GABRG3: variants seen among roughly 807,000 people sequenced by gnomAD.
The protein encoded by GABRG3 is gamma-aminobutyric acid receptor subunit gamma-3.
A neutral mutation model predicts 48.8 loss-of-function variants in GABRG3; 25 were observed. That is an observed-to-expected ratio of 0.51 (90% confidence interval 0.37 to 0.72). The LOEUF (loss-of-function observed/expected upper bound fraction) is 0.72, where lower values mean the gene tolerates loss of function less well. GABRG3 is among the 30% of genes least tolerant of loss of function. The pLI is 0.00. For missense variants in GABRG3, 394 were observed against 577.9 expected (o/e 0.68, Z 3.26); for synonymous variants, 227 against 217.6 (o/e 1.04, Z -0.38).
chr15:27,530,370 C>G (rs770243790), intron 9 of GABRG3, among the ~76,000 whole-genome samples: 1 of 152,136 alleles, frequency 6.6e-6, no homozygotes, highest in Non-Finnish European at 1.5e-5. Context: ...ATTAAAATCT[C>G]TATCTTGGGT....
chr15:27,464,010 C>T lies in GABRG3; in HGVS notation c.575-16640C>T, dbSNP rs548692962. On this transcript the variant is annotated intron_variant, in intron 5 of 9. Transcript: ENST00000615808. ...AAACGAGCTGGTGTCACCCATGCATCGTGGCCCCCTAAACAGCTGTGGGAG... is the reference window on the plus strand; with the variant it reads ...AAACGAGCTGGTGTCACCCATGCATTGTGGCCCCCTAAACAGCTGTGGGAG... Among the ~76,000 whole-genome samples the T allele has an allele frequency of 2.0e-5, 3 of 152,212 alleles. No homozygotes were observed. The South Asian group carries it at 6.2e-4, about 32-fold the overall frequency.
chr15:27,119,602 G>A (rs780597101), intron 3 of GABRG3, among the ~76,000 whole-genome samples: 1 of 152,186 alleles, frequency 6.6e-6, no homozygotes, highest in Non-Finnish European at 1.5e-5. Context: ...AAGGTCTAAT[G>A]AGGCTGAAGT....
At chr15:27,003,848 G>T (rs1448734831) in intron 2 of GABRG3, among the ~76,000 whole-genome samples, 49 of 142,820 alleles carry the variant, frequency 3.4e-4, no homozygotes, top group Non-Finnish European at 6.6e-4. Flanking sequence ...GGCCGGGCGG[G>T]GGGGGCTGAC....
At chr15:27,111,185 A>G (rs1216723656) in intron 3 of GABRG3, among the ~76,000 whole-genome samples, 3 of 152,008 alleles carry the variant, frequency 2.0e-5, no homozygotes, top group Admixed American at 1.3e-4. Context: ...CTACTCATGA[A>G]CTTTTCAGAA....
rs1232136350 is a variant in GABRG3, at chr15:27,538,519, T to A, written c.*5638T>A. 1 of 152,214 alleles carries A rather than the reference T, an allele frequency of 6.6e-6. No homozygotes were observed. Among genetic ancestry groups the A allele is most frequent in the Non-Finnish European group, 1.5e-5 (1 of 68,048 alleles). The allele number at this position is 152,214 out of a possible 1,614,324, so 9.4% of individuals were successfully genotyped here. A position where few individuals can be genotyped will look rare whatever the true frequency, so the allele number is the denominator to read the frequency against. On this transcript the variant is annotated 3_prime_UTR_variant, in exon 10 of 10. Coordinates refer to ENST00000615808, the MANE Select transcript of GABRG3 (RefSeq NM_033223.5). ...GAGATAATCACCTACTTTCGCCACT[T>A]CACTTTTCACATTTGTAAACACACA... is the stretch of plus-strand genomic sequence containing the variant.
At chr15:27,087,964 AGTGT>A (rs926682911) in intron 3 of GABRG3, among the ~76,000 whole-genome samples, 1 of 122,162 alleles carries the variant, frequency 8.2e-6, no homozygotes, top group Non-Finnish European at 1.7e-5. Flanking sequence ...TGTGCTGTGG[AGTGT>A]GTGTGTGCAT....
chr15:27,327,254 G>T (rs980576997), intron 4 of GABRG3, among the ~76,000 whole-genome samples: 1 of 152,178 alleles, frequency 6.6e-6, no homozygotes, highest in African/African-American at 2.4e-5. Flanking sequence ...ATCTATTTCT[G>T]CTGGAAGTAG....
At position 26,976,374 on chromosome 15, in the gene GABRG3, C is replaced by T. The variant is rs757115045; in HGVS notation, c.54-628C>T. Among the ~76,000 whole-genome samples, 28 of 152,294 alleles carry T rather than the reference C, an allele frequency of 1.8e-4. 1 individual carries two copies. The highest frequency in any genetic ancestry group is 3.4e-3 in the Middle Eastern group (1 of 294). On this transcript the variant is annotated intron_variant, in intron 1 of 9. Coordinates refer to ENST00000615808, the MANE Select transcript of GABRG3 (RefSeq NM_033223.5). The surrounding 1 kb of genome is among the most constrained non-coding windows in gnomAD (Gnocchi z 7.8). ...ATGAATCAGTTTGTGTTGACCGAGGCGTGCAAGATTGCTAGAGGGTCTTCA... is the reference window on the plus strand; with the variant it reads ...ATGAATCAGTTTGTGTTGACCGAGGTGTGCAAGATTGCTAGAGGGTCTTCA...
intron 2 of GABRG3, among the ~76,000 whole-genome samples, chr15:26,985,024 G>C (rs997023136): frequency 6.6e-6 from 1 of 152,216 alleles, no homozygotes; most frequent in African/African-American, 2.4e-5. Flanking sequence ...TCTGTTCCAG[G>C]CTTTTCTAAA....
intron 3 of GABRG3, among the ~76,000 whole-genome samples, chr15:27,321,039 C>T (rs2140514585): frequency 6.6e-6 from 1 of 152,268 alleles, no homozygotes; most frequent in South Asian, 2.1e-4. Context: ...TCGGAGCAGC[C>T]TTGGTCCTCT....
At chr15:27,039,804 C>T (rs186619171) in intron 3 of GABRG3, among the ~76,000 whole-genome samples, 8 of 152,312 alleles carry the variant, frequency 5.3e-5, no homozygotes, top group Non-Finnish European at 1.2e-4. Context: ...AGGCACCCCT[C>T]GCTGTCACCC....
rs1303142526 is a variant in GABRG3 at position 27,388,308 on chromosome 15, G to GGGA, written c.574+59423_574+59425dup. Among the ~76,000 whole-genome samples the GGGA allele has an allele frequency of 1.2e-3, 44 of 36,956 alleles. 5 individuals are homozygous for GGGA. Among genetic ancestry groups the GGGA allele is most frequent in the East Asian group, 9.8e-3 (6 of 612 alleles). The allele number at this position is 36,956 out of a possible 152,430, so 24.2% of individuals were successfully genotyped here. A position where few individuals can be genotyped will look rare whatever the true frequency, so the allele number is the denominator to read the frequency against. On this transcript the variant is annotated intron_variant, in intron 5 of 9. Coordinates refer to ENST00000615808, the MANE Select transcript of GABRG3 (RefSeq NM_033223.5). ...GGAAGGAAGAAAAGAAGGAAGGAAA[G>GGGA]GGAGGGAGGGAAAAGAAGGAAGGAA... is the stretch of plus-strand genomic sequence containing the variant.
chr15:27,475,174 G>T (rs568746364), intron 5 of GABRG3, among the ~76,000 whole-genome samples: 3 of 152,178 alleles, frequency 2.0e-5, no homozygotes, highest in Admixed American at 2.0e-4. Context: ...TGGGGAACAT[G>T]ACAATCAGAA....
intron 3 of GABRG3, among the ~76,000 whole-genome samples, chr15:27,154,065 C>G (rs1898372239): frequency 6.6e-6 from 1 of 152,108 alleles, no homozygotes. Flanking sequence ...GTATATGTAA[C>G]AGGAACTCCA....
chr15:26,997,131 A>T (rs900085444), intron 2 of GABRG3, among the ~76,000 whole-genome samples: 1 of 151,812 alleles, frequency 6.6e-6, no homozygotes, highest in Non-Finnish European at 1.5e-5. Flanking sequence ...TTTCATTTTG[A>T]TTATTGTACT....
chr15:27,065,484 C>T (rs956794711), intron 3 of GABRG3, among the ~76,000 whole-genome samples: 25 of 152,158 alleles, frequency 1.6e-4, no homozygotes, highest in African/African-American at 5.8e-4. Flanking sequence ...TTCTCTCTCC[C>T]TTGGTCCCCG....
intron 3 of GABRG3, among the ~76,000 whole-genome samples, chr15:27,035,899 G>T (rs1896168905): frequency 6.6e-6 from 1 of 152,236 alleles, no homozygotes; most frequent in Admixed American, 6.5e-5. Flanking sequence ...TGAGTTCTGA[G>T]TCTGAAGATT....
At chr15:27,248,568 T>C (rs1414738255) in intron 3 of GABRG3, among the ~76,000 whole-genome samples, 1 of 152,132 alleles carries the variant, frequency 6.6e-6, no homozygotes, top group Non-Finnish European at 1.5e-5. Context: ...ATAAGTATTT[T>C]CCAACATCCC....
chr15:27,519,568 G>A (rs11638894), intron 6 of GABRG3, among the ~76,000 whole-genome samples: 96,433 of 152,094 alleles, frequency 0.63, 31,965 homozygotes, highest in African/African-American at 0.84. Context: ...TAGCTTTGTT[G>A]TCATTGGAAA....
Sources: allele counts gnomAD v4.1 joint callset (sites outside exome capture counted in the v4.1 genomes callset), GRCh38; gene constraint gnomAD v4.1.1; non-coding constraint Gnocchi (gnomAD v3.1); transcripts MANE v1.5; gene names NCBI Gene and HGNC (gene_info 2026-07-23, HGNC 2026-07-21).